Variants in TMEM94 observed in about 807,000 individuals in gnomAD.
The protein encoded by TMEM94 is transmembrane protein 94.
In TMEM94, 81 loss-of-function variants were observed where a neutral mutation model predicts 158.6. The ratio of observed to expected loss-of-function variants is 0.51; its 90% confidence interval spans 0.43 to 0.61. TMEM94 has a LOEUF of 0.61. Among genes scored for constraint, TMEM94 ranks in the 20% least tolerant of loss-of-function variants. The probability of loss-of-function intolerance (pLI) is 0.00; values close to 1 mark genes in which losing one functional copy is unlikely to be tolerated. For synonymous variants in TMEM94, 751 were observed against 730.7 expected, an observed-to-expected ratio of 1.03 and a Z score of -0.45; for missense variants, 1,435 against 1,762.0, an observed-to-expected ratio of 0.81 and a Z score of 3.32.
intron 2 of TMEM94, among the ~76,000 whole-genome samples, chr17:75,478,698 C>T (rs1275971081): frequency 6.6e-6 from 1 of 152,202 alleles, no homozygotes; most frequent in South Asian, 2.1e-4. Flanking sequence ...GTCAGGACTT[C>T]CTTAGAGCCG....
intron 1 of TMEM94, among the ~76,000 whole-genome samples, chr17:75,461,377 G>A (rs2050063041): frequency 6.6e-6 from 1 of 151,960 alleles, no homozygotes; most frequent in African/African-American, 2.4e-5. Flanking sequence ...TGGGATTACA[G>A]GCATGAGCCA....
Position 75,495,865 on chromosome 17 carries a change from A to C in TMEM94, c.2945-101A>C, listed in dbSNP as rs997611040. The C allele has an allele frequency of 3.4e-5, 31 of 907,148 alleles. No homozygotes were observed. Among genetic ancestry groups the C allele is most frequent in the Non-Finnish European group, 5.4e-5 (31 of 574,428 alleles). 56.2% of individuals were successfully genotyped at this position (907,148 alleles called of 1,614,324 possible). ...GTGGGATTGTTTCAAAGAGGGGCCCACCTCCCATCGCCTCCTGCTCTCCTG... is the reference window on the plus strand; with the variant it reads ...GTGGGATTGTTTCAAAGAGGGGCCCCCCTCCCATCGCCTCCTGCTCTCCTG... On this transcript the variant is annotated intron_variant, in intron 22 of 31. Transcript: ENST00000314256. This position sits in a 1 kb window ranked among gnomAD's most constrained non-coding sequence, Gnocchi z 5.6.
At chr17:75,458,911 G>C (rs1274941733) in intron 1 of TMEM94, among the ~76,000 whole-genome samples, 3 of 151,916 alleles carry the variant, frequency 2.0e-5, no homozygotes, top group African/African-American at 4.8e-5. Flanking sequence ...CAAAAAATTA[G>C]CTGGGTATTG....
At chr17:75,482,538 ATG>A (rs2051258096) in intron 2 of TMEM94, among the ~76,000 whole-genome samples, 3 of 151,280 alleles carry the variant, frequency 2.0e-5, no homozygotes, top group South Asian at 2.1e-4. Context: ...GTATGTATGT[ATG>A]TATGTATGTA....
chr17:75,485,036 T>TAAA lies in TMEM94; in HGVS notation c.25-377_25-375dup, dbSNP rs61277546. ...CTAGGAGACTAAGCAAGACTCTATCTAAAAAAAAAAAAAAAAATTGTCCAT... is the reference window on the plus strand; with the variant it reads ...CTAGGAGACTAAGCAAGACTCTATCTAAAAAAAAAAAAAAAAAAAATTGTCCAT... On this transcript the variant is annotated intron_variant, in intron 2 of 31. Transcript: ENST00000314256. This position sits in a 1 kb window ranked among gnomAD's most constrained non-coding sequence, Gnocchi z 5.5. 7.7e-6 allele frequency among the ~76,000 whole-genome samples: 1 copy of TAAA among 129,464 alleles called. No individual in the cohort carries two copies. The highest frequency in any genetic ancestry group is 2.8e-5 in the African/African-American group (1 of 35,964). 84.9% of individuals were successfully genotyped at this position (129,464 alleles called of 152,430 possible). A position where few individuals can be genotyped will look rare whatever the true frequency, so the allele number is the denominator to read the frequency against.
At chr17:75,462,006 G>GTTTTTTTTTTTTTTTTTTT (rs1319139834) in intron 1 of TMEM94, among the ~76,000 whole-genome samples, 3 of 100,446 alleles carry the variant, frequency 3.0e-5, no homozygotes, top group African/African-American at 8.7e-5. Flanking sequence ...GTTTTGTTTT[G>GTTTTTTTTTTTTTTTTTTT]TTTTGTTTTT....
At chr17:75,477,743 G>T (rs1025180901) in intron 2 of TMEM94, among the ~76,000 whole-genome samples, 12 of 151,888 alleles carry the variant, frequency 7.9e-5, no homozygotes, top group Non-Finnish European at 1.2e-4. Context: ...GGGCGCAGTG[G>T]TTCACGCCTG....
At chr17:75,477,610 AACCTGTCTACCTGAGCTTAGGGG>A (rs2050777607) in intron 2 of TMEM94, among the ~76,000 whole-genome samples, 2 of 152,262 alleles carry the variant, frequency 1.3e-5, no homozygotes, top group Admixed American at 1.3e-4. Context: ...CTAAATTCAT[AACCTGTCTACCTGAGCTTAGGGG>A]ACCTTGATTC....
chr17:75,476,494 G>C, intron 2 of TMEM94: 1 of 1,387,278 alleles, frequency 7.2e-7, no homozygotes. Context: ...ACTAGAAATA[G>C]GCTGAATTAA....
In TMEM94 at chr17:75,495,351, C is replaced by G. The variant is rs1459110516; in HGVS notation, c.2796C>G (p.Phe932Leu). The G allele has an allele frequency of 1.9e-6, 3 of 1,613,858 alleles. No individual in the cohort carries two copies. The highest frequency in any genetic ancestry group is 1.7e-6 in the Non-Finnish European group (2 of 1,180,010). Residue 932 changes from phenylalanine to leucine, a missense_variant, in exon 21 of 32, where the codon TTC becomes TTG. By Grantham distance (22) the Phe-to-Leu change is conservative. This residue lies in a region of TMEM94 where 1,051 missense variants were observed against 1,254.4 expected (regional missense o/e 0.84). Transcript: ENST00000314256. This position sits in a 1 kb window ranked among gnomAD's most constrained non-coding sequence, Gnocchi z 5.6. ...EEEGHSDLIS[F>L]QPTDSDIPSF... is the part of the protein sequence containing the mutation. The stretch of plus-strand genomic sequence containing the variant: ...AGGGCCACTCGGACCTCATCAGCTT[C>G]CAGCCTACGGACAGCGACATCCCCA...
chr17:75,489,727 G>A lies in TMEM94; in HGVS notation c.954+65G>A. 7.3e-7 allele frequency: 1 copy of A among 1,373,380 alleles called. No homozygotes were observed. Among genetic ancestry groups the A allele is most frequent in the Non-Finnish European group, 1.0e-6 (1 of 966,216 alleles). 85.1% of individuals were successfully genotyped at this position (1,373,380 alleles called of 1,614,324 possible). A position where few individuals can be genotyped will look rare whatever the true frequency, so the allele number is the denominator to read the frequency against. ...ACCCGCAGGGCTGGCTCTTCTCCTAGTACCCTGGCTGTCCCTCCCTCTCTG... is the reference window on the plus strand; with the variant it reads ...ACCCGCAGGGCTGGCTCTTCTCCTAATACCCTGGCTGTCCCTCCCTCTCTG... On this transcript the variant is annotated intron_variant, in intron 9 of 31. Coordinates refer to ENST00000314256, the MANE Select transcript of TMEM94 (RefSeq NM_014738.6). This position sits in a 1 kb window ranked among gnomAD's most constrained non-coding sequence, Gnocchi z 5.0.
chr17:75,476,802 T>C (rs1427280239), intron 2 of TMEM94: 2 of 1,533,728 alleles, frequency 1.3e-6, no homozygotes, highest in East Asian at 2.4e-5. Context: ...CCCTGCTTTG[T>C]GTGGGAGTCT....
Position 75,498,876 on chromosome 17 carries a change from A to G in TMEM94, c.3828-36A>G. The stretch of plus-strand genomic sequence containing the variant: ...GGGAAGAGCAGGGAAGGAAGCAAGC[A>G]GTGTCGGGTTCACACGGGGCCGCCA... On this transcript the variant is annotated intron_variant, in intron 30 of 31. Coordinates refer to ENST00000314256, the MANE Select transcript of TMEM94 (RefSeq NM_014738.6). This position sits in a 1 kb window ranked among gnomAD's most constrained non-coding sequence, Gnocchi z 6.7. The G allele has an allele frequency of 6.5e-7, 1 of 1,528,278 alleles. No homozygotes were observed. Among genetic ancestry groups the G allele is most frequent in the African/African-American group, 1.4e-5 (1 of 72,736 alleles). 94.7% of individuals were successfully genotyped at this position (1,528,278 alleles called of 1,614,324 possible).
Position 75,496,362 on chromosome 17 carries a change from C to G in TMEM94, c.3134C>G (p.Ala1045Gly), listed in dbSNP as rs750035822. The change falls in exon 24 of 32, where the codon GCC becomes GGC. Residue 1045 changes from alanine (A) to glycine (G), a missense_variant. Ala to Gly is a moderately conservative substitution (Grantham distance 60, BLOSUM62 0). Coordinates refer to ENST00000314256, the MANE Select transcript of TMEM94 (RefSeq NM_014738.6). ...GYATSISMAQ[A>G]SDGLSPLQLS... ...GCCACCAGCATCAGCATGGCCCAGG[C>G]CTCGGATGGCCTTTCTCCCCTGCAG... The G allele has an allele frequency of 3.7e-6, 6 of 1,614,088 alleles. No individual in the cohort carries two copies. Among genetic ancestry groups the G allele is most frequent in the Non-Finnish European group, 5.1e-6 (6 of 1,180,044 alleles).
rs1249192606 is a variant in TMEM94 at position 75,499,374 on chromosome 17, G to A, written c.*40G>A. ...TGGCTGTAGTTGCCCCCGTCCCTGG[G>A]GCTAAAGCCAGACCCATTTCTGAAC... On this transcript the variant is annotated 3_prime_UTR_variant, in exon 32 of 32. Coordinates refer to ENST00000314256, the MANE Select transcript of TMEM94 (RefSeq NM_014738.6). 10 of 1,578,722 alleles carry A rather than the reference G, an allele frequency of 6.3e-6. No homozygotes were observed. The highest frequency in any genetic ancestry group is 7.8e-6 in the Non-Finnish European group (9 of 1,148,644).
At chr17:75,480,918 C>T (rs2051108522) in intron 2 of TMEM94, among the ~76,000 whole-genome samples, 1 of 152,188 alleles carries the variant, frequency 6.6e-6, no homozygotes, top group Non-Finnish European at 1.5e-5. Context: ...CCTGGGAACA[C>T]TCACATTCCT....
Position 75,495,423 on chromosome 17 carries a change from C to G in TMEM94, c.2844+24C>G. On this transcript the variant is annotated intron_variant, in intron 21 of 31. Transcript: ENST00000314256. The surrounding 1 kb of genome is among the most constrained non-coding windows in gnomAD (Gnocchi z 5.6). ...GGGTACGATGGCAGGATCTGTCTCA[C>G]GTGTTCCTGTAGTGGTCCCATAGCT... The G allele has an allele frequency of 3.8e-6, 6 of 1,599,524 alleles. No individual in the cohort carries two copies. Among genetic ancestry groups the G allele is most frequent in the Non-Finnish European group, 5.1e-6 (6 of 1,167,322 alleles).
intron 2 of TMEM94, among the ~76,000 whole-genome samples, chr17:75,478,610 C>T (rs1567924715): frequency 6.6e-6 from 1 of 152,174 alleles, no homozygotes; most frequent in Non-Finnish European, 1.5e-5. Context: ...AATCCCCACG[C>T]CCTGCCAGCG....
chr17:75,472,826 C>A (rs1422840360), intron 2 of TMEM94, among the ~76,000 whole-genome samples: 1 of 152,210 alleles, frequency 6.6e-6, no homozygotes, highest in Non-Finnish European at 1.5e-5. Flanking sequence ...CTCTAAAATG[C>A]TTCCCACCCC....
Sources: gnomAD v4.1 joint callset for allele counts (sites outside exome capture counted in the v4.1 genomes callset) on GRCh38, gnomAD v4.1.1 for gene constraint, gnomAD v4.1.1 regional missense constraint, Gnocchi (gnomAD v3.1) non-coding constraint, MANE v1.5 for transcripts, NCBI Gene and HGNC (gene_info 2026-07-23, HGNC 2026-07-21) for gene names.